Variants in CSNK1G3 observed in about 807,000 individuals in gnomAD.
CSNK1G3 encodes casein kinase 1 gamma 3, also known as casein kinase I isoform gamma-3.
In CSNK1G3, 23 loss-of-function variants were observed where a neutral mutation model predicts 64.3. The ratio of observed to expected loss-of-function variants is 0.36; its 90% CI spans 0.26 to 0.51. The LOEUF (loss-of-function observed/expected upper bound fraction) is 0.51, where lower values mean the gene tolerates loss of function less well. CSNK1G3 is among the 20% of genes least tolerant of loss of function. CSNK1G3 has a pLI of 0.96. For missense variants in CSNK1G3, 357 were observed against 510.5 expected (o/e 0.70, Z 2.90); for synonymous variants, 158 against 162.2 (o/e 0.97, Z 0.20).
intron 1 of CSNK1G3, among the ~76,000 whole-genome samples, chr5:123,525,829 TA>T (rs922322903): frequency 6.6e-6 from 1 of 151,110 alleles, no homozygotes; most frequent in Non-Finnish European, 1.5e-5. Context: ...CCGTCTCTAC[TA>T]AAAAAACAAA....
chr5:123,590,329 A>G (rs1277463877), intron 8 of CSNK1G3, 81 bp from the exon 9 acceptor site: 1 of 615,210 alleles, frequency 1.6e-6, no homozygotes, highest in Non-Finnish European at 2.4e-6. Context: ...TTTATATAAT[A>G]CAATGTGCTT....
intron 10 of CSNK1G3, 100 bp from the exon 11 acceptor site, chr5:123,594,939 T>A (rs1333868594): frequency 1.1e-5 from 10 of 907,858 alleles, no homozygotes; most frequent in Non-Finnish European, 1.7e-5. Flanking sequence ...TATTTTAAAT[T>A]TCCTTTTATA....
At chr5:123,534,995 A>G (rs1780559769) in intron 1 of CSNK1G3, among the ~76,000 whole-genome samples, 2 of 152,176 alleles carry the variant, frequency 1.3e-5, no homozygotes, top group Non-Finnish European at 2.9e-5. Flanking sequence ...CTTTAAAAGC[A>G]CGACCGTGAA....
intron 12 of CSNK1G3, among the ~76,000 whole-genome samples, chr5:123,607,656 G>A (rs533821351): frequency 1.3e-5 from 2 of 152,236 alleles, no homozygotes; most frequent in African/African-American, 4.8e-5. Context: ...AGTGGTGATA[G>A]CTGCTCAATT....
At chr5:123,599,050 T>C (rs1486751333) in intron 10 of CSNK1G3, among the ~76,000 whole-genome samples, 1 of 152,220 alleles carries the variant, frequency 6.6e-6, no homozygotes, top group South Asian at 2.1e-4. Context: ...TTTTAAAATA[T>C]ACCACTGACA....
intron 8 of CSNK1G3, among the ~76,000 whole-genome samples, chr5:123,589,553 G>A (rs968076780): frequency 6.6e-6 from 1 of 152,104 alleles, no homozygotes; most frequent in African/African-American, 2.4e-5. Flanking sequence ...TGTGCTGGGT[G>A]TGATCTTTTT....
chr5:123,513,556 A>G (rs1412785604), intron 1 of CSNK1G3, among the ~76,000 whole-genome samples: 1 of 152,222 alleles, frequency 6.6e-6, no homozygotes, highest in Non-Finnish European at 1.5e-5. Context: ...ACTTTAAATT[A>G]GAGAATTAAA....
intron 1 of CSNK1G3, among the ~76,000 whole-genome samples, chr5:123,514,984 A>G (rs542390680): frequency 6.6e-6 from 1 of 152,320 alleles, no homozygotes; most frequent in South Asian, 2.1e-4. Flanking sequence ...AAGTTATAAT[A>G]AAATAGTCAA....
At chr5:123,552,874 T>A (rs1260295171) in intron 2 of CSNK1G3, 1 of 278,818 alleles carries the variant, frequency 3.6e-6, no homozygotes, top group Non-Finnish European at 6.9e-6. Flanking sequence ...ATAAGTGGGC[T>A]ACTAGTATCT....
At chr5:123,525,633 C>T (rs1042996321) in intron 1 of CSNK1G3, among the ~76,000 whole-genome samples, 7 of 151,974 alleles carry the variant, frequency 4.6e-5, no homozygotes, top group African/African-American at 1.7e-4. Context: ...ATCTCAAACA[C>T]ACAAAGTGTT....
At chr5:123,544,779 A>G (rs1286638312) in intron 1 of CSNK1G3, among the ~76,000 whole-genome samples, 2 of 152,226 alleles carry the variant, frequency 1.3e-5, no homozygotes, top group East Asian at 1.9e-4. Flanking sequence ...ATGCCTGTCA[A>G]CATTTCACAG....
At chr5:123,583,588 TC>T (rs1439645045) in intron 6 of CSNK1G3, among the ~76,000 whole-genome samples, 2 of 152,152 alleles carry the variant, frequency 1.3e-5, no homozygotes, top group African/African-American at 4.8e-5. Context: ...GCTCTCGAAC[TC>T]CCAACCTCAG....
rs10611933 is a variant in CSNK1G3, at chr5:123,583,359, G to GT, written c.674-4691dup. ...TGTTCGTTGTGAGTATAGAAATCCAGTTTTTTTTTTTTTTTTTTGAGACTG... is the reference window on the plus strand; with the variant it reads ...TGTTCGTTGTGAGTATAGAAATCCAGTTTTTTTTTTTTTTTTTTTGAGACTG... On this transcript the variant is annotated intron_variant, in intron 6 of 12. Coordinates refer to ENST00000345990, the Ensembl canonical transcript of CSNK1G3. 3.9e-3 allele frequency among the ~76,000 whole-genome samples: 432 copies of GT among 111,264 alleles called. 2 individuals are homozygous for GT. Among genetic ancestry groups the GT allele is most frequent in the South Asian group, 0.018 (61 of 3,328 alleles). 73.0% of individuals were successfully genotyped at this position (111,264 alleles called of 152,430 possible).
At chr5:123,517,448 A>G (rs945502504) in intron 1 of CSNK1G3, among the ~76,000 whole-genome samples, 3 of 152,174 alleles carry the variant, frequency 2.0e-5, no homozygotes, top group African/African-American at 7.2e-5. Context: ...CCAATTGGCT[A>G]CTTTGAAATC....
At chr5:123,524,390 G>GATA (rs1778673593) in intron 1 of CSNK1G3, among the ~76,000 whole-genome samples, 1 of 152,168 alleles carries the variant, frequency 6.6e-6, no homozygotes. Context: ...CTTTGCACAT[G>GATA]ATAACTTCAT....
intron 1 of CSNK1G3, among the ~76,000 whole-genome samples, chr5:123,526,621 A>G (rs541430634): frequency 3.3e-5 from 5 of 152,216 alleles, no homozygotes; most frequent in Non-Finnish European, 7.4e-5. Flanking sequence ...TTCTCTTTCT[A>G]TAATTTTGCT....
chr5:123,560,416 C>T (rs1188159139), intron 4 of CSNK1G3, among the ~76,000 whole-genome samples: 2 of 152,140 alleles, frequency 1.3e-5, no homozygotes, highest in South Asian at 2.1e-4. Context: ...GGTAATTGTA[C>T]ATTCATGTTC....
At chr5:123,554,932 T>C (rs542153106) in intron 3 of CSNK1G3, among the ~76,000 whole-genome samples, 49 of 152,346 alleles carry the variant, frequency 3.2e-4, no homozygotes, top group African/African-American at 1.2e-3. Flanking sequence ...TAAGTGGTGA[T>C]CCTTAGGTCC....
At chr5:123,563,707 A>G (rs1312355348) in intron 4 of CSNK1G3, among the ~76,000 whole-genome samples, 4 of 152,094 alleles carry the variant, frequency 2.6e-5, no homozygotes, top group African/African-American at 4.8e-5. Flanking sequence ...CACAGTTACC[A>G]GATCAAGTTT....
Sources: allele counts gnomAD v4.1 joint callset (sites outside exome capture counted in the v4.1 genomes callset), GRCh38; gene constraint gnomAD v4.1.1; transcripts MANE v1.5; gene names NCBI Gene and HGNC (gene_info 2026-07-23, HGNC 2026-07-21).